The following ADGRV1 variants were observed in gnomAD, a reference collection of about 807,000 sequenced individuals.
ADGRV1 encodes the protein G-protein coupled receptor 98.
ADGRV1 carries 359 observed loss-of-function variants against 596.2 expected under a neutral mutation model. That is an observed-to-expected ratio of 0.60 (90% CI 0.55 to 0.66). The LOEUF is 0.66. ADGRV1 is among the 30% of genes least tolerant of loss of function. The probability of loss-of-function intolerance (pLI) is 0.00; values close to 1 mark genes in which losing one functional copy is unlikely to be tolerated. For missense variants in ADGRV1, 7,274 were observed against 7,575.6 expected (o/e 0.96, Z 1.48); for synonymous variants, 2,681 against 2,679.2 (o/e 1.00, Z -0.02).
chr5:90,602,356 A>T (rs1761516959), intron 1 of ADGRV1, among the ~76,000 whole-genome samples: 1 of 152,222 alleles, frequency 6.6e-6, no homozygotes, highest in African/African-American at 2.4e-5. Flanking sequence ...TATGGAAAAG[A>T]GGGCAAGAGT....
intron 83 of ADGRV1, among the ~76,000 whole-genome samples, chr5:90,916,672 G>A (rs1219422695): frequency 3.3e-5 from 4 of 122,678 alleles, no homozygotes; most frequent in Non-Finnish European, 4.8e-5. Context: ...TCGCTCTGTC[G>A]CCCAGGCTGG....
chr5:91,008,716 G>A (rs1208506719), intron 85 of ADGRV1, among the ~76,000 whole-genome samples: 1 of 151,822 alleles, frequency 6.6e-6, no homozygotes, highest in Non-Finnish European at 1.5e-5. Context: ...GTTGAGGCGG[G>A]TCACAAACTC....
chr5:91,157,890 C>T (rs2126941296), intron 89 of ADGRV1, among the ~76,000 whole-genome samples: 1 of 152,294 alleles, frequency 6.6e-6, no homozygotes, highest in South Asian at 2.1e-4. Context: ...GGAATCCCAG[C>T]CTGAAGACTT....
chr5:90,571,064 G>C (rs1334669958), intron 1 of ADGRV1, among the ~76,000 whole-genome samples: 1 of 151,948 alleles, frequency 6.6e-6, no homozygotes, highest in African/African-American at 2.4e-5. Context: ...CCTAGGGTTT[G>C]TTGTTGTCCC....
intron 25 of ADGRV1, among the ~76,000 whole-genome samples, chr5:90,678,153 C>T (rs910064920): frequency 1.3e-5 from 2 of 152,192 alleles, no homozygotes; most frequent in African/African-American, 2.4e-5. Flanking sequence ...CATACATTCT[C>T]ATGTCTGGTA....
At chr5:91,004,689 G>A (rs1782128696) in intron 85 of ADGRV1, among the ~76,000 whole-genome samples, 1 of 152,174 alleles carries the variant, frequency 6.6e-6, no homozygotes, top group Non-Finnish European at 1.5e-5. Context: ...ATGTACCTAA[G>A]TATTGATTTA....
chr5:90,974,382 G>A (rs1779356800), intron 84 of ADGRV1, among the ~76,000 whole-genome samples: 1 of 152,136 alleles, frequency 6.6e-6, no homozygotes, highest in Non-Finnish European at 1.5e-5. Flanking sequence ...GAAAGAGCCT[G>A]CACTGCCAAG....
At chr5:90,909,138 T>A (rs1425736844) in intron 83 of ADGRV1, among the ~76,000 whole-genome samples, 1 of 152,226 alleles carries the variant, frequency 6.6e-6, no homozygotes, top group Non-Finnish European at 1.5e-5. Context: ...ATTAGCTTAG[T>A]TCTGGGAAAG....
At chr5:90,913,132 G>C (rs1293237828) in intron 83 of ADGRV1, among the ~76,000 whole-genome samples, 1 of 152,112 alleles carries the variant, frequency 6.6e-6, no homozygotes, top group East Asian at 1.9e-4. Context: ...CTAATTTGGG[G>C]CCCCAGGAAA....
intron 6 of ADGRV1, 87 bp from the exon 7 acceptor site, chr5:90,627,124 T>C (rs771065775): frequency 5.2e-5 from 37 of 704,844 alleles, no homozygotes; most frequent in Non-Finnish European, 7.6e-5. Context: ...TGTAATTGTA[T>C]TGAAACATAA....
chr5:90,851,130 TGTGTGAGA>T (rs1766457210), intron 79 of ADGRV1, among the ~76,000 whole-genome samples: 2 of 79,812 alleles, frequency 2.5e-5, no homozygotes, highest in East Asian at 4.7e-4. Context: ...TGTGTGTGTG[TGTGTGAGA>T]GAGAGAGAGA....
intron 85 of ADGRV1, among the ~76,000 whole-genome samples, chr5:91,004,306 T>G (rs1782090653): frequency 6.6e-6 from 1 of 152,152 alleles, no homozygotes; most frequent in African/African-American, 2.4e-5. Flanking sequence ...CAGGACAGTT[T>G]CGTAATGGAA....
chr5:90,751,525 G>C lies in ADGRV1; in HGVS notation c.11121+828G>C, dbSNP rs148522380. On this transcript the variant is annotated intron_variant, in intron 53 of 89. Coordinates refer to ENST00000405460, the MANE Select transcript of ADGRV1 (RefSeq NM_032119.4). Reference sequence around the variant, plus strand: ...ATCTATTACTGGAGAATAGTATAAAGTTGGAGCTGAGGTTCAAGAATGGAA... The same window carrying C: ...ATCTATTACTGGAGAATAGTATAAACTTGGAGCTGAGGTTCAAGAATGGAA... Among the ~76,000 whole-genome samples the C allele has an allele frequency of 2.9e-3, 444 of 152,262 alleles. 2 individuals carry two copies. The highest frequency in any genetic ancestry group is 9.7e-3 in the African/African-American group (404 of 41,552).
intron 4 of ADGRV1, among the ~76,000 whole-genome samples, chr5:90,619,763 C>G (rs143009692): frequency 1.4e-5 from 2 of 146,758 alleles, no homozygotes; most frequent in South Asian, 2.2e-4. Flanking sequence ...CCCCCTACCC[C>G]ACAACAGACG....
intron 77 of ADGRV1, among the ~76,000 whole-genome samples, chr5:90,836,425 C>T (rs1473728693): frequency 6.6e-6 from 1 of 151,908 alleles, no homozygotes. Flanking sequence ...ATACACATAA[C>T]AACCTAATCT....
Position 91,099,360 on chromosome 5 carries a change from T to C in ADGRV1, c.18311-2859T>C, listed in dbSNP as rs545255932. 3.3e-5 allele frequency among the ~76,000 whole-genome samples: 5 copies of C among 152,168 alleles called. 1 individual carries two copies. In the East Asian group the frequency reaches 9.7e-4, roughly 30 times the overall value. On this transcript the variant is annotated intron_variant, in intron 86 of 89. Transcript: ENST00000405460. The stretch of plus-strand genomic sequence containing the variant: ...CCTTGTTCTTTCTTTTTCCTCCCTT[T>C]CCCGAACAATTCCATCTACAGCCAC...
At chr5:90,818,634 A>G (rs1232387082) in intron 75 of ADGRV1, among the ~76,000 whole-genome samples, 1 of 151,262 alleles carries the variant, frequency 6.6e-6, no homozygotes, top group Non-Finnish European at 1.5e-5. Flanking sequence ...AGGGTTGTTG[A>G]ATTTTGTCAA....
At chr5:90,985,623 C>A in intron 85 of ADGRV1, 101 bp downstream of exon 85, 1 of 814,824 alleles carries the variant, frequency 1.2e-6, no homozygotes, top group Non-Finnish European at 2.0e-6. Flanking sequence ...AAGATCTTTG[C>A]TTTTCTGCCA....
At chr5:90,880,009 A>AT (rs963678908) in intron 83 of ADGRV1, among the ~76,000 whole-genome samples, 3 of 152,104 alleles carry the variant, frequency 2.0e-5, no homozygotes, top group South Asian at 2.1e-4. Flanking sequence ...TTAGATTTCT[A>AT]TTTTTTTCCT....
Sources: allele counts gnomAD v4.1 joint callset (sites outside exome capture counted in the v4.1 genomes callset), GRCh38; gene constraint gnomAD v4.1.1; transcripts MANE v1.5; gene names NCBI Gene and HGNC (gene_info 2026-07-23, HGNC 2026-07-21).